Variants in ENTPD1 observed in about 807,000 individuals in gnomAD.
ENTPD1 encodes ectonucleoside triphosphate diphosphohydrolase 1, also known as ATP diphosphohydrolase.
In ENTPD1, 33 loss-of-function variants were observed where a neutral mutation model predicts 57.0. The observed-to-expected ratio is 0.58, with a 90% CI of 0.44 to 0.77. ENTPD1 has a LOEUF of 0.77. ENTPD1 is among the 30% of genes least tolerant of loss of function. ENTPD1 has a pLI of 0.00. For missense variants in ENTPD1, 501 were observed against 603.4 expected, an observed-to-expected ratio of 0.83 and a Z score of 1.78; for synonymous variants, 202 against 218.8, an observed-to-expected ratio of 0.92 and a Z score of 0.68.
intron 1 of ENTPD1, among the ~76,000 whole-genome samples, chr10:95,815,065 G>C (rs1169967079): frequency 6.6e-6 from 1 of 152,160 alleles, no homozygotes; most frequent in Admixed American, 6.5e-5. Context: ...TAAAATATAG[G>C]CAGGAAAAAA....
In ENTPD1 at chr10:95,869,676, A is replaced by T. The variant is rs77422269; in HGVS notation, c.*3293A>T. 4.7e-4 allele frequency: 463 copies of T among 975,192 alleles called. 2 individuals carry two copies. The African/African-American group carries it at 7.3e-3, about 15-fold the overall frequency. 60.4% of individuals were successfully genotyped at this position (975,192 alleles called of 1,614,324 possible). ...TCTTAATAAGAAATATGTAAATAAA[A>T]TTTTTTAAAATTACACTTCATTTTA... is the stretch of plus-strand genomic sequence containing the variant. On this transcript the variant is annotated 3_prime_UTR_variant, in exon 10 of 10. Transcript: ENST00000371205.
At chr10:95,728,260 A>G (rs528670158) in intron 1 of ENTPD1, among the ~76,000 whole-genome samples, 77 of 152,322 alleles carry the variant, frequency 5.1e-4, no homozygotes, top group African/African-American at 1.8e-3. Context: ...TGATTAATAC[A>G]TATTTTGTAT....
intron 2 of ENTPD1, among the ~76,000 whole-genome samples, chr10:95,825,896 G>A (rs1347260153): frequency 1.3e-5 from 2 of 152,114 alleles, no homozygotes; most frequent in Non-Finnish European, 2.9e-5. Context: ...TGTTTTGAGA[G>A]CACACAATGA....
intron 1 of ENTPD1, among the ~76,000 whole-genome samples, chr10:95,771,338 G>A (rs1310856282): frequency 2.0e-5 from 3 of 152,070 alleles, no homozygotes; most frequent in Admixed American, 2.0e-4. Flanking sequence ...TAACTTCTGT[G>A]GATTAATCTC....
chr10:95,805,112 G>C (rs923262491), intron 1 of ENTPD1, among the ~76,000 whole-genome samples: 2 of 152,124 alleles, frequency 1.3e-5, no homozygotes, highest in Admixed American at 6.5e-5. Context: ...CATTATCATT[G>C]TGTGGGAGTC....
intron 1 of ENTPD1, among the ~76,000 whole-genome samples, chr10:95,819,412 C>T (rs2098341056): frequency 6.6e-6 from 1 of 152,144 alleles, no homozygotes; most frequent in South Asian, 2.1e-4. Flanking sequence ...GATCCGCCCA[C>T]CTTTGCCTCC....
the ENTPD1 span, among the ~76,000 whole-genome samples, chr10:95,701,450 T>G: frequency 6.6e-6 from 1 of 152,140 alleles, no homozygotes; most frequent in African/African-American, 2.4e-5. Context: ...AGCAAATAAG[T>G]AGTGGAAAGA....
In ENTPD1 at chr10:95,869,257, T is replaced by A; in HGVS notation, c.*2874T>A. Reference sequence around the variant, plus strand: ...AAGTCATTACTTTTTTTTTTTTTTTTTTTTTTTTTTGAGAGAGAGTCTCAC... The same window carrying A: ...AAGTCATTACTTTTTTTTTTTTTTTATTTTTTTTTTGAGAGAGAGTCTCAC... On this transcript the variant is annotated 3_prime_UTR_variant, in exon 10 of 10. Transcript: ENST00000371205. The A allele has an allele frequency of 1.0e-6, 1 of 969,674 alleles. No homozygotes were observed. The highest frequency in any genetic ancestry group is 1.2e-6 in the Non-Finnish European group (1 of 821,828). The allele number at this position is 969,674 out of a possible 1,614,324, so 60.1% of individuals were successfully genotyped here.
At chr10:95,827,246 G>A (rs1342464225) in intron 2 of ENTPD1, among the ~76,000 whole-genome samples, 5 of 152,072 alleles carry the variant, frequency 3.3e-5, no homozygotes, top group Non-Finnish European at 2.9e-5. Context: ...GAGGTCAGGA[G>A]TTCAAGACCA....
At chr10:95,696,883 A>G in the ENTPD1 span, among the ~76,000 whole-genome samples, 1 of 152,236 alleles carries the variant, frequency 6.6e-6, no homozygotes, top group Non-Finnish European at 1.5e-5. Context: ...ATGGCAGACA[A>G]CAAGTTCTGT....
chr10:95,792,797 T>C (rs947173156), intron 1 of ENTPD1, among the ~76,000 whole-genome samples: 4 of 152,176 alleles, frequency 2.6e-5, no homozygotes, highest in African/African-American at 9.7e-5. Context: ...CACCCATAAA[T>C]GAAGGCAGCA....
chr10:95,758,603 C>T (rs2139962311), intron 1 of ENTPD1, among the ~76,000 whole-genome samples: 1 of 152,290 alleles, frequency 6.6e-6, no homozygotes, highest in Admixed American at 6.5e-5. Context: ...GCATCACCTT[C>T]TCTCCCTTCC....
At chr10:95,864,614 G>A (rs2098470820) in intron 8 of ENTPD1, 110 bp from the exon 9 acceptor site, 3 of 1,458,316 alleles carry the variant, frequency 2.1e-6, no homozygotes, top group Middle Eastern at 1.9e-4. Flanking sequence ...ACCTTCAGGT[G>A]CACTGGAGCT....
intron 1 of ENTPD1, among the ~76,000 whole-genome samples, chr10:95,796,421 G>A (rs1488835670): frequency 3.3e-5 from 5 of 152,046 alleles, no homozygotes; most frequent in Non-Finnish European, 7.4e-5. Context: ...TCTTCATAAG[G>A]TAGAGTTAGT....
chr10:95,869,813 C>A lies in ENTPD1; in HGVS notation c.*3430C>A. 1 of 711,218 alleles carries A rather than the reference C, an allele frequency of 1.4e-6. No homozygotes were observed. Among genetic ancestry groups the A allele is most frequent in the African/African-American group, 1.9e-5 (1 of 51,826 alleles). 44.1% of individuals were successfully genotyped at this position (711,218 alleles called of 1,614,324 possible). A position where few individuals can be genotyped will look rare whatever the true frequency, so the allele number is the denominator to read the frequency against. ...TAAATCCAAAATACTATCAAGGAAT[C>A]AATATAAAAATTGTTAATATTTTTC... On this transcript the variant is annotated 3_prime_UTR_variant, in exon 10 of 10. Transcript: ENST00000371205.
intron 3 of ENTPD1, 38 bp from the exon 4 acceptor site, chr10:95,842,306 T>G: frequency 6.3e-7 from 1 of 1,576,786 alleles, no homozygotes; most frequent in Non-Finnish European, 8.7e-7. Context: ...TTTATAATTT[T>G]TTTTTAAAAG....
chr10:95,737,146 T>C (rs547297752), intron 1 of ENTPD1, among the ~76,000 whole-genome samples: 1 of 152,334 alleles, frequency 6.6e-6, no homozygotes, highest in Middle Eastern at 3.4e-3. Flanking sequence ...TTTCCTACTA[T>C]GTGCAGGCTC....
In ENTPD1 at chr10:95,841,373, C is replaced by T. The variant is rs2098422282; in HGVS notation, c.263-971C>T. On this transcript the variant is annotated intron_variant, in intron 3 of 9. Coordinates refer to ENST00000371205, the MANE Select transcript of ENTPD1 (RefSeq NM_001776.6). The stretch of plus-strand genomic sequence containing the variant: ...CTACACTCCAGCCTGGGCGACAGAG[C>T]AAGACTCCGTCTCAAAAAAAAAAAT... Among the ~76,000 whole-genome samples the T allele has an allele frequency of 2.0e-5, 3 of 147,302 alleles. No individual in the cohort carries two copies. In the South Asian group the frequency reaches 6.7e-4, roughly 33 times the overall value.
At chr10:95,768,068 C>A (rs558456299) in intron 1 of ENTPD1, among the ~76,000 whole-genome samples, 1 of 152,240 alleles carries the variant, frequency 6.6e-6, no homozygotes, top group Non-Finnish European at 1.5e-5. Flanking sequence ...TGATCTGGAA[C>A]TTCCCAGCCT....
Sources: allele counts gnomAD v4.1 joint callset (sites outside exome capture counted in the v4.1 genomes callset), GRCh38; gene constraint gnomAD v4.1.1; transcripts MANE v1.5; gene names NCBI Gene and HGNC (gene_info 2026-07-23, HGNC 2026-07-21).